Variants in SDCCAG8 observed in about 807,000 individuals in gnomAD.
SDCCAG8 encodes the protein serologically defined colon cancer antigen 8.
SDCCAG8 carries 74 observed loss-of-function variants against 101.8 expected under a neutral mutation model. The observed-to-expected ratio is 0.73, with a 90% CI of 0.60 to 0.88. The LOEUF is 0.88. Among genes scored for constraint, SDCCAG8 ranks in the 40% least tolerant of loss-of-function variants. SDCCAG8 has a pLI of 0.00. For missense variants in SDCCAG8, 787 were observed against 822.6 expected (o/e 0.96, Z 0.53); for synonymous variants, 281 against 292.9 (o/e 0.96, Z 0.41).
At chr1:243,257,116 A>T (rs1215786170) in intron 1 of SDCCAG8, among the ~76,000 whole-genome samples, 1 of 152,224 alleles carries the variant, frequency 6.6e-6, no homozygotes, top group Non-Finnish European at 1.5e-5. Context: ...AAATGAAATA[A>T]TCCCCATAAA....
chr1:243,477,451 C>T (rs1424563550), intron 16 of SDCCAG8, among the ~76,000 whole-genome samples: 4 of 152,202 alleles, frequency 2.6e-5, no homozygotes, highest in Admixed American at 6.5e-5. Flanking sequence ...AGATTCATAA[C>T]GTGTCAACTC....
chr1:243,374,393 A>G (rs1264936520), intron 12 of SDCCAG8, among the ~76,000 whole-genome samples: 2 of 152,136 alleles, frequency 1.3e-5, no homozygotes, highest in African/African-American at 2.4e-5. Context: ...AAGATTCAGC[A>G]TTGCAAAATT....
rs537856899 is a variant in SDCCAG8 at position 243,302,433 on chromosome 1, GT to G, written c.676-2277del. 1.4e-3 allele frequency among the ~76,000 whole-genome samples: 216 copies of G among 152,218 alleles called. 1 individual carries two copies. The highest frequency in any genetic ancestry group is 5.0e-3 in the African/African-American group (206 of 41,520). ...CCGGAAGGGATAGGCTAACTCTACT[GT>G]TTCGTGCAAATGTACTCAGGTTTAT... On this transcript the variant is annotated intron_variant, in intron 6 of 17. Transcript: ENST00000366541.
intron 16 of SDCCAG8, among the ~76,000 whole-genome samples, chr1:243,441,214 G>A (rs1311485947): frequency 6.6e-6 from 1 of 152,164 alleles, no homozygotes. Flanking sequence ...AAAGAAAGTA[G>A]GCATCCATCT....
chr1:243,447,351 G>C (rs747296406), intron 16 of SDCCAG8, among the ~76,000 whole-genome samples: 1 of 151,084 alleles, frequency 6.6e-6, no homozygotes, highest in Non-Finnish European at 1.5e-5. Flanking sequence ...AAATCAATAG[G>C]TAATGAACAA....
intron 13 of SDCCAG8, among the ~76,000 whole-genome samples, chr1:243,411,930 A>G (rs1267087156): frequency 1.3e-5 from 2 of 152,186 alleles, no homozygotes; most frequent in African/African-American, 4.8e-5. Context: ...TTTGAGTGGG[A>G]ATTAAAGCAA....
At chr1:243,386,771 G>A (rs768987339) in intron 13 of SDCCAG8, among the ~76,000 whole-genome samples, 5 of 127,346 alleles carry the variant, frequency 3.9e-5, no homozygotes, top group South Asian at 2.6e-4. Context: ...AAGAAAGTGA[G>A]AGAGAGAGAG....
intron 16 of SDCCAG8, among the ~76,000 whole-genome samples, chr1:243,460,557 G>GCC (rs1658871058): frequency 6.6e-6 from 1 of 152,200 alleles, no homozygotes; most frequent in Non-Finnish European, 1.5e-5. Flanking sequence ...TTTAAAAATG[G>GCC]ATAAAGATGA....
chr1:243,327,647 C>T (rs1449121672), intron 9 of SDCCAG8, among the ~76,000 whole-genome samples: 1 of 151,860 alleles, frequency 6.6e-6, no homozygotes, highest in Non-Finnish European at 1.5e-5. Context: ...ACTCAATCGA[C>T]AGGGATTCTG....
intron 1 of SDCCAG8, among the ~76,000 whole-genome samples, chr1:243,263,951 A>G (rs1268127323): frequency 6.6e-6 from 1 of 151,832 alleles, no homozygotes. Context: ...AAGTGTAGAT[A>G]GACATGTATT....
intron 16 of SDCCAG8, among the ~76,000 whole-genome samples, chr1:243,479,492 G>A (rs1441830948): frequency 3.3e-5 from 5 of 152,202 alleles, no homozygotes; most frequent in East Asian, 1.9e-4. Flanking sequence ...ATTTAGGGGC[G>A]CTGCAAGTTG....
At chr1:243,478,956 C>CAAAAAAAAAAAAAAAAAA (rs148382740) in intron 16 of SDCCAG8, among the ~76,000 whole-genome samples, 46 of 94,686 alleles carry the variant, frequency 4.9e-4, no homozygotes, top group African/African-American at 1.8e-3. Flanking sequence ...GACTCTGTCT[C>CAAAAAAAAAAAAAAAAAA]AAAAAAAAAA....
At chr1:243,486,067 C>T (rs146759242) in intron 16 of SDCCAG8, among the ~76,000 whole-genome samples, 2 of 151,558 alleles carry the variant, frequency 1.3e-5, no homozygotes, top group Non-Finnish European at 2.9e-5. Context: ...CGTTGTGGCA[C>T]ATGCCTGTAA....
chr1:243,326,413 A>G (rs923442731), intron 9 of SDCCAG8, among the ~76,000 whole-genome samples: 5 of 152,236 alleles, frequency 3.3e-5, no homozygotes, highest in African/African-American at 1.2e-4. Context: ...GGCAGGAATT[A>G]GAAACCTGGA....
In SDCCAG8 at chr1:243,309,836, G is replaced by A. The variant is rs900094177; in HGVS notation, c.929+1659G>A. ...ATATGAACATAGAATTTCCAGTGTG[G>A]ACTGACTGGTAGTTTTTTATGTTTG... On this transcript the variant is annotated intron_variant, in intron 8 of 17. Coordinates refer to ENST00000366541, the MANE Select transcript of SDCCAG8 (RefSeq NM_006642.5). 4.6e-5 allele frequency among the ~76,000 whole-genome samples: 7 copies of A among 151,846 alleles called. No homozygotes were observed. In the East Asian group the frequency reaches 1.4e-3, roughly 29 times the overall value.
intron 16 of SDCCAG8, among the ~76,000 whole-genome samples, chr1:243,485,886 C>T (rs1386234784): frequency 7.1e-5 from 10 of 140,842 alleles, no homozygotes; most frequent in Admixed American, 1.5e-4. Context: ...AGCAAGACTT[C>T]GTATCAAGAA....
intron 13 of SDCCAG8, among the ~76,000 whole-genome samples, chr1:243,381,477 T>C (rs904466198): frequency 3.3e-5 from 5 of 151,966 alleles, no homozygotes; most frequent in Non-Finnish European, 7.4e-5. Context: ...TAGACCCAGC[T>C]ATTTAGGAGG....
intron 15 of SDCCAG8, among the ~76,000 whole-genome samples, chr1:243,421,401 G>C (rs1308163679): frequency 1.3e-5 from 2 of 152,168 alleles, no homozygotes; most frequent in Non-Finnish European, 2.9e-5. Context: ...CTTCATGCTA[G>C]GCTGCTCTGT....
At chr1:243,403,595 C>T (rs185549627) in intron 13 of SDCCAG8, among the ~76,000 whole-genome samples, 2 of 152,200 alleles carry the variant, frequency 1.3e-5, no homozygotes, top group East Asian at 3.9e-4. Context: ...GCAGGAGTTC[C>T]CAACTCGGGG....
Sources: allele counts gnomAD v4.1 joint callset (sites outside exome capture counted in the v4.1 genomes callset), GRCh38; gene constraint gnomAD v4.1.1; transcripts MANE v1.5; gene names NCBI Gene and HGNC (gene_info 2026-07-23, HGNC 2026-07-21).